Variants in LIPA observed in about 807,000 individuals in gnomAD.
LIPA encodes lysosomal acid lipase/cholesteryl ester hydrolase.
A neutral mutation model predicts 40.6 loss-of-function variants in LIPA; 26 were observed. The observed-to-expected ratio is 0.64, with a 90% confidence interval of 0.47 to 0.89. The LOEUF is 0.89. Ranked by LOEUF, LIPA falls within the 40% of genes least tolerant of loss-of-function variation. The pLI is 0.00. For missense variants in LIPA, 455 were observed against 479.6 expected, an observed-to-expected ratio of 0.95 and a Z score of 0.48; for synonymous variants, 188 against 168.4, an observed-to-expected ratio of 1.12 and a Z score of -0.90.
At chr10:89,409,055 G>A (rs576166621) in intron 2 of LIPA, among the ~76,000 whole-genome samples, 184 of 152,284 alleles carry the variant, frequency 1.2e-3, no homozygotes, top group African/African-American at 3.1e-3. Context: ...TCCTTCTGCC[G>A]TCCTTGAGCG....
chr10:89,222,243 A>G (rs975619206), intron 8 of LIPA, among the ~76,000 whole-genome samples: 2 of 152,326 alleles, frequency 1.3e-5, no homozygotes. Context: ...GGGAGAGAAT[A>G]TATTAACCTG....
intron 1 of LIPA, among the ~76,000 whole-genome samples, chr10:89,321,450 C>G (rs1196628820): frequency 1.3e-5 from 2 of 152,156 alleles, no homozygotes; most frequent in Non-Finnish European, 2.9e-5. Context: ...ATTTATGCAG[C>G]CAACAGACAC....
intron 1 of LIPA, among the ~76,000 whole-genome samples, chr10:89,250,075 TTTTTTC>T (rs146480536): frequency 0.014 from 1,836 of 129,948 alleles, 64 homozygotes; most frequent in Middle Eastern, 0.034. Flanking sequence ...TTCTTTTTTC[TTTTTTC>T]TTTTTCTTTT....
upstream of LIPA, among the ~76,000 whole-genome samples, chr10:89,253,168 GT>G (rs1843155175): frequency 6.6e-6 from 1 of 152,236 alleles, no homozygotes; most frequent in Non-Finnish European, 1.5e-5. Context: ...GCATAATCTA[GT>G]TTAGAAAGAT....
chr10:89,317,225 T>C (rs1843545917), intron 1 of LIPA, among the ~76,000 whole-genome samples: 1 of 152,160 alleles, frequency 6.6e-6, no homozygotes, highest in South Asian at 2.1e-4. Context: ...CTTTGATGAG[T>C]TGAGAGAAGA....
At chr10:89,365,932 G>A (rs1290464986) in intron 2 of LIPA, among the ~76,000 whole-genome samples, 13 of 152,202 alleles carry the variant, frequency 8.5e-5, no homozygotes, top group South Asian at 2.1e-4. Flanking sequence ...TTGGCAATGC[G>A]GGCTCTTTTT....
intron 1 of LIPA, among the ~76,000 whole-genome samples, chr10:89,304,741 T>TGG (rs1449104521): frequency 6.6e-6 from 1 of 152,220 alleles, no homozygotes; most frequent in East Asian, 1.9e-4. Context: ...GTCTGTTCTC[T>TGG]GGGTTTTTTA....
chr10:89,235,510 G>A (rs920819167), intron 3 of LIPA, among the ~76,000 whole-genome samples: 1 of 152,220 alleles, frequency 6.6e-6, no homozygotes, highest in African/African-American at 2.4e-5. Context: ...CCCAGTGTGG[G>A]TGGAAGCCAG....
chr10:89,307,260 T>C, intron 1 of LIPA: 1 of 1,614,042 alleles, frequency 6.2e-7, no homozygotes, highest in Non-Finnish European at 8.5e-7. Context: ...GCTTTGCATG[T>C]CTTGGCATTC....
At chr10:89,275,466 C>A (rs1246157515) in intron 1 of LIPA, among the ~76,000 whole-genome samples, 4 of 152,176 alleles carry the variant, frequency 2.6e-5, no homozygotes, top group African/African-American at 9.7e-5. Flanking sequence ...CTGTCCTTGT[C>A]CTGCCCACTG....
At chr10:89,270,943 C>T (rs541189732) in intron 1 of LIPA, among the ~76,000 whole-genome samples, 2 of 152,190 alleles carry the variant, frequency 1.3e-5, no homozygotes, top group African/African-American at 4.8e-5. Flanking sequence ...GAATGTTTAA[C>T]GATGGCCCAA....
chr10:89,227,333 T>G (rs1842782888), intron 4 of LIPA, among the ~76,000 whole-genome samples: 1 of 152,372 alleles, frequency 6.6e-6, no homozygotes, highest in Non-Finnish European at 1.5e-5. Flanking sequence ...AAGTTGTTCA[T>G]TCTTATTCTA....
rs1273069984 is a variant in LIPA, at chr10:89,225,150, A to AC, written c.616dup (p.Val206GlyfsTer6). The AC allele has an allele frequency of 6.2e-7, 1 of 1,614,074 alleles. No individual in the cohort carries two copies. The highest frequency in any genetic ancestry group is 1.3e-5 in the African/African-American group (1 of 74,930). ...GGCCATAGGGCTAGTACAGAAGGCG[A>AC]CGGAAGCCACAGGACCCAGGGCAAA... On this transcript the variant is annotated frameshift_variant, in exon 6 of 10. Coordinates refer to ENST00000336233, the MANE Select transcript of LIPA (RefSeq NM_000235.4). LOFTEE classifies it high-confidence loss of function.
intron 2 of LIPA, among the ~76,000 whole-genome samples, chr10:89,401,263 T>C (rs1371268970): frequency 6.6e-6 from 1 of 151,996 alleles, no homozygotes; most frequent in African/African-American, 2.4e-5. Context: ...ACTACAGGCA[T>C]GCACCACCAT....
intron 1 of LIPA, among the ~76,000 whole-genome samples, chr10:89,280,992 A>G (rs1843311488): frequency 6.6e-6 from 1 of 152,258 alleles, no homozygotes. Flanking sequence ...AAAGCACGTT[A>G]ATATATTTCC....
intron 1 of LIPA, chr10:89,301,905 A>G: frequency 2.0e-6 from 1 of 504,314 alleles, no homozygotes; most frequent in Non-Finnish European, 3.6e-6. Flanking sequence ...CTAAAGTATA[A>G]TAAAAAGAAA....
intron 3 of LIPA, among the ~76,000 whole-genome samples, chr10:89,233,470 G>T (rs1842866919): frequency 6.6e-6 from 1 of 152,222 alleles, no homozygotes; most frequent in Non-Finnish European, 1.5e-5. Context: ...ATCTTAAGCA[G>T]TGCACTAGAA....
chr10:89,397,359 A>ATTTTAAT (rs1277324596), intron 2 of LIPA, among the ~76,000 whole-genome samples: 3 of 152,160 alleles, frequency 2.0e-5, no homozygotes, highest in Non-Finnish European at 1.5e-5. Flanking sequence ...TAAAATTAAA[A>ATTTTAAT]TTTTAATTTT....
intron 3 of LIPA, among the ~76,000 whole-genome samples, chr10:89,228,801 G>A (rs1842804034): frequency 1.3e-5 from 2 of 152,152 alleles, no homozygotes; most frequent in South Asian, 4.1e-4. Context: ...CACACATAAT[G>A]AGACATCACT....
Sources: allele counts gnomAD v4.1 joint callset (sites outside exome capture counted in the v4.1 genomes callset), GRCh38; gene constraint gnomAD v4.1.1; transcripts MANE v1.5; gene names NCBI Gene and HGNC (gene_info 2026-07-23, HGNC 2026-07-21).